The following CATSPERB variants were observed in gnomAD, a reference collection of about 807,000 sequenced individuals.
CATSPERB encodes cation channel sperm-associated auxiliary subunit beta.
A neutral mutation model predicts 128.3 loss-of-function variants in CATSPERB; 93 were observed. The ratio of observed to expected loss-of-function variants is 0.72; its 90% CI spans 0.61 to 0.86. The LOEUF (loss-of-function observed/expected upper bound fraction) is 0.86, where lower values mean the gene tolerates loss of function less well. CATSPERB is among the 40% of genes least tolerant of loss of function. The pLI, the probability that CATSPERB is intolerant of heterozygous loss-of-function variation, is 0.00. For missense variants in CATSPERB, 1,153 were observed against 1,329.5 expected, an observed-to-expected ratio of 0.87 and a Z score of 2.06; for synonymous variants, 381 against 448.8, an observed-to-expected ratio of 0.85 and a Z score of 1.91.
At chr14:91,630,811 C>T (rs74671331) in intron 17 of CATSPERB, among the ~76,000 whole-genome samples, 53 of 152,334 alleles carry the variant, frequency 3.5e-4, no homozygotes, top group African/African-American at 1.2e-3. Context: ...ATAACATTCT[C>T]CAATGGTTTC....
chr14:91,626,882 A>T lies in CATSPERB; in HGVS notation c.1743-1875T>A, dbSNP rs575651732. On this transcript the variant is annotated intron_variant, in intron 17 of 26. Transcript: ENST00000256343. ...GAATACAACACCAAAGACACAATCC[A>T]TGAAAGAGAAAATTGATAAATTTCT... is the stretch of plus-strand genomic sequence containing the variant. Among the ~76,000 whole-genome samples, 29 of 152,376 alleles carry T rather than the reference A, an allele frequency of 1.9e-4. No individual in the cohort carries two copies. The South Asian group carries it at 6.0e-3, about 32-fold the overall frequency.
intron 7 of CATSPERB, among the ~76,000 whole-genome samples, chr14:91,694,430 C>A (rs1188448786): frequency 1.8e-5 from 2 of 112,652 alleles, no homozygotes; most frequent in African/African-American, 7.2e-5. Context: ...CAAAGAGAGA[C>A]CCTATCTCAA....
chr14:91,701,902 C>A (rs1477434569), intron 7 of CATSPERB, among the ~76,000 whole-genome samples: 3 of 74,212 alleles, frequency 4.0e-5, no homozygotes, highest in Non-Finnish European at 8.1e-5. Flanking sequence ...CAGAGAGAGA[C>A]CCTGTCTCAA....
At chr14:91,707,870 G>T (rs377307810) in intron 6 of CATSPERB, among the ~76,000 whole-genome samples, 24 of 151,280 alleles carry the variant, frequency 1.6e-4, no homozygotes, top group African/African-American at 4.4e-4. Flanking sequence ...GCCTCCCAAA[G>T]TGCTGAGATT....
In CATSPERB at chr14:91,629,608, C is replaced by T. The variant is rs186389080; in HGVS notation, c.1743-4601G>A. ...GGGATGTGGATAGTGGGGAAGGTTT[C>T]GTGTGTGTATGGGACAGAGGTATAT... On this transcript the variant is annotated intron_variant, in intron 17 of 26. Transcript: ENST00000256343. Among the ~76,000 whole-genome samples, 42 of 152,148 alleles carry T rather than the reference C, an allele frequency of 2.8e-4. No individual in the cohort carries two copies. In the East Asian group the frequency reaches 6.6e-3, roughly 24 times the overall value.
chr14:91,679,878 A>T lies in CATSPERB; in HGVS notation c.931+3999T>A, dbSNP rs551623679. On this transcript the variant is annotated intron_variant, in intron 11 of 26. Coordinates refer to ENST00000256343, the MANE Select transcript of CATSPERB (RefSeq NM_024764.4). ...CCAGCCTCTTGAAAATGTCCTTAAC[A>T]GGTGCCATTAACTAATCCATGTGCT... 6.6e-5 allele frequency among the ~76,000 whole-genome samples: 10 copies of T among 152,316 alleles called. No individual in the cohort carries two copies. In the South Asian group the frequency reaches 1.7e-3, roughly 25 times the overall value.
chr14:91,683,497 T>A (rs528045726), intron 11 of CATSPERB, among the ~76,000 whole-genome samples: 5 of 147,326 alleles, frequency 3.4e-5, no homozygotes, highest in Admixed American at 6.7e-5. Context: ...CGACACTCCC[T>A]TGTACTGCTG....
intron 18 of CATSPERB, among the ~76,000 whole-genome samples, chr14:91,623,380 C>T (rs1464066132): frequency 6.6e-6 from 1 of 152,150 alleles, no homozygotes; most frequent in African/African-American, 2.4e-5. Context: ...GATTCTCCTC[C>T]ATCTCCCTGA....
chr14:91,668,409 C>CACCAATCAGCACTCTGTAAAATGG (rs1180731030), intron 14 of CATSPERB, among the ~76,000 whole-genome samples: 1 of 152,092 alleles, frequency 6.6e-6, no homozygotes, highest in Non-Finnish European at 1.5e-5. Context: ...ATTGTAAACG[C>CACCAATCAGCACTCTGTAAAATGG]ACCAATCAGC....
intron 7 of CATSPERB, among the ~76,000 whole-genome samples, chr14:91,699,502 C>G (rs1052623812): frequency 1.3e-5 from 2 of 151,778 alleles, no homozygotes; most frequent in Non-Finnish European, 2.9e-5. Flanking sequence ...AAAAGAATAA[C>G]ATTTCTTGAT....
At chr14:91,725,919 C>T (rs1275155033) in intron 2 of CATSPERB, among the ~76,000 whole-genome samples, 9 of 152,170 alleles carry the variant, frequency 5.9e-5, no homozygotes, top group Non-Finnish European at 1.0e-4. Flanking sequence ...GGCCTCAGAG[C>T]AGACTAGTAG....
At chr14:91,628,000 T>C (rs1197850647) in intron 17 of CATSPERB, among the ~76,000 whole-genome samples, 3 of 152,044 alleles carry the variant, frequency 2.0e-5, no homozygotes, top group Non-Finnish European at 4.4e-5. Flanking sequence ...AATATATATT[T>C]ATATAGTCTA....
intron 15 of CATSPERB, among the ~76,000 whole-genome samples, chr14:91,649,693 A>G (rs1389259909): frequency 9.0e-6 from 1 of 111,074 alleles, no homozygotes; most frequent in Non-Finnish European, 2.0e-5. Flanking sequence ...ACAATAAAGG[A>G]TTCCAAAAAA....
In CATSPERB at chr14:91,727,774, T is replaced by C. The variant is rs192145262; in HGVS notation, c.79+1627A>G. 3.3e-3 allele frequency among the ~76,000 whole-genome samples: 509 copies of C among 152,286 alleles called. 4 individuals carry two copies. Among genetic ancestry groups the C allele is most frequent in the Middle Eastern group, 0.017 (5 of 294 alleles). On this transcript the variant is annotated intron_variant, in intron 2 of 26. Coordinates refer to ENST00000256343, the MANE Select transcript of CATSPERB (RefSeq NM_024764.4). ...ACTAACTCCTTTGAATAACATACTC[T>C]GAGCCATTAAGGCTCAAATGGGTTG...
intron 24 of CATSPERB, 35 bp from the exon 25 acceptor site, chr14:91,588,113 A>T (rs1893336070): frequency 1.5e-6 from 2 of 1,345,100 alleles, no homozygotes; most frequent in African/African-American, 1.4e-5. Context: ...AAGCACACTT[A>T]TTTTTCTCAT....
chr14:91,722,512 G>A (rs374794114), intron 4 of CATSPERB, among the ~76,000 whole-genome samples: 4 of 152,130 alleles, frequency 2.6e-5, no homozygotes, highest in African/African-American at 9.7e-5. Flanking sequence ...GGGATTGGGA[G>A]TGACTGCTAA....
chr14:91,698,565 C>T (rs1284069584), intron 7 of CATSPERB, among the ~76,000 whole-genome samples: 1 of 152,018 alleles, frequency 6.6e-6, no homozygotes, highest in Non-Finnish European at 1.5e-5. Context: ...GAGGTATGTT[C>T]CTTCAATGTC....
chr14:91,653,991 G>T (rs1014228710), intron 15 of CATSPERB, among the ~76,000 whole-genome samples: 1 of 152,118 alleles, frequency 6.6e-6, no homozygotes, highest in African/African-American at 2.4e-5. Flanking sequence ...GCAAATAGAA[G>T]ATCTGACCAG....
chr14:91,659,931 A>G lies in CATSPERB; in HGVS notation c.1338T>C (p.Phe446=). Residue 446 remains phenylalanine, a synonymous_variant, in exon 15 of 27, where the codon TTT becomes TTC. Coordinates refer to ENST00000256343, the MANE Select transcript of CATSPERB (RefSeq NM_024764.4). Reference sequence around the variant, plus strand: ...AAGTCTTCTTTATGATATCATCATGAAAGTTAGCTATTAATTGAAAGGTGT... The same window carrying G: ...AAGTCTTCTTTATGATATCATCATGGAAGTTAGCTATTAATTGAAAGGTGT... The part of the protein sequence containing the change: ...GGNTFQLIAN[F]HDDIIKKTFH... 1 of 1,604,204 alleles carries G rather than the reference A, an allele frequency of 6.2e-7. No individual in the cohort carries two copies.
Sources: gnomAD v4.1 joint callset for allele counts (sites outside exome capture counted in the v4.1 genomes callset) on GRCh38, gnomAD v4.1.1 for gene constraint, MANE v1.5 for transcripts, NCBI Gene and HGNC (gene_info 2026-07-23, HGNC 2026-07-21) for gene names.